HPSE2: variants seen among roughly 807,000 people sequenced by gnomAD.
The protein encoded by HPSE2 is heparanase 2 (inactive).
In HPSE2, 38 loss-of-function variants were observed where a neutral mutation model predicts 60.5. That is an observed-to-expected ratio of 0.63 (90% confidence interval 0.48 to 0.82). The LOEUF (loss-of-function observed/expected upper bound fraction) is 0.82, where lower values mean the gene tolerates loss of function less well. HPSE2 is among the 40% of genes least tolerant of loss of function. HPSE2 has a pLI of 0.00. For missense variants in HPSE2, 713 were observed against 740.4 expected (o/e 0.96, Z 0.43); for synonymous variants, 295 against 293.2 (o/e 1.01, Z -0.06).
intron 5 of HPSE2, among the ~76,000 whole-genome samples, chr10:98,706,816 G>A (rs1173208428): frequency 2.6e-5 from 4 of 152,198 alleles, no homozygotes. Flanking sequence ...GAGCTACCCT[G>A]TGTTGCCTTT....
intron 3 of HPSE2, among the ~76,000 whole-genome samples, chr10:98,820,665 TAAATA>T (rs1951403047): frequency 6.6e-6 from 1 of 152,074 alleles, no homozygotes; most frequent in African/African-American, 2.4e-5. Context: ...GCATGAAAAA[TAAATA>T]AATGTGTTGG....
chr10:99,138,597 A>G (rs1021006907), intron 3 of HPSE2, among the ~76,000 whole-genome samples: 2 of 152,238 alleles, frequency 1.3e-5, no homozygotes, highest in Admixed American at 1.3e-4. Flanking sequence ...TTGCAGGGAC[A>G]TGGATGAAGC....
At chr10:98,764,387 C>G (rs1347719405) in intron 3 of HPSE2, among the ~76,000 whole-genome samples, 2 of 151,598 alleles carry the variant, frequency 1.3e-5, no homozygotes, top group Non-Finnish European at 2.9e-5. Context: ...AAATAAAAGA[C>G]AAAAAGAAAG....
intron 9 of HPSE2, among the ~76,000 whole-genome samples, chr10:98,558,712 T>C (rs74156637): frequency 0.026 from 4,019 of 152,332 alleles, 189 homozygotes; most frequent in African/African-American, 0.09. Flanking sequence ...TGAACATTCA[T>C]TGAAAATTCA....
the HPSE2 span, among the ~76,000 whole-genome samples, chr10:99,267,226 T>C: frequency 6.6e-6 from 1 of 151,146 alleles, no homozygotes; most frequent in Admixed American, 6.6e-5. Context: ...CAGAGAAAGG[T>C]AACAAACAAA....
intron 3 of HPSE2, among the ~76,000 whole-genome samples, chr10:98,779,912 G>C (rs1257062883): frequency 1.3e-5 from 2 of 152,166 alleles, no homozygotes; most frequent in Non-Finnish European, 2.9e-5. Flanking sequence ...TCAAAGGGTA[G>C]GGAATTGCCT....
chr10:99,251,760 C>T, the HPSE2 span, among the ~76,000 whole-genome samples: 5 of 146,748 alleles, frequency 3.4e-5, no homozygotes, highest in African/African-American at 5.1e-5. Flanking sequence ...CATGGTGGTT[C>T]ACATCTGTAA....
intron 3 of HPSE2, among the ~76,000 whole-genome samples, chr10:99,106,689 C>T (rs1844262180): frequency 6.6e-6 from 1 of 151,976 alleles, no homozygotes; most frequent in Admixed American, 6.6e-5. Flanking sequence ...AGATACTGTG[C>T]TAAACCTAAA....
At chr10:98,892,880 C>CT (rs1564637265) in intron 3 of HPSE2, among the ~76,000 whole-genome samples, 1 of 151,984 alleles carries the variant, frequency 6.6e-6, no homozygotes, top group African/African-American at 2.4e-5. Flanking sequence ...AGCATTAAAC[C>CT]TTTGTAGAGC....
At chr10:98,842,712 A>C (rs1268895421) in intron 3 of HPSE2, among the ~76,000 whole-genome samples, 1 of 152,046 alleles carries the variant, frequency 6.6e-6, no homozygotes, top group African/African-American at 2.4e-5. Context: ...ATTGTCACCC[A>C]AAGTCCATGG....
the HPSE2 span, among the ~76,000 whole-genome samples, chr10:99,243,014 C>T: frequency 9.9e-5 from 15 of 152,172 alleles, no homozygotes; most frequent in African/African-American, 2.6e-4. Flanking sequence ...ATTTTATGCT[C>T]ATAGCATAAA....
At chr10:98,671,201 C>G (rs553258482) in intron 6 of HPSE2, among the ~76,000 whole-genome samples, 2 of 152,122 alleles carry the variant, frequency 1.3e-5, no homozygotes, top group Non-Finnish European at 2.9e-5. Flanking sequence ...GGGTTCTACA[C>G]GAGGAACATA....
intron 3 of HPSE2, among the ~76,000 whole-genome samples, chr10:98,908,346 T>C (rs1416616196): frequency 6.6e-6 from 1 of 152,166 alleles, no homozygotes; most frequent in African/African-American, 2.4e-5. Context: ...TTTACTAATA[T>C]AAAAATATTC....
chr10:98,911,745 A>G (rs2135023723), intron 3 of HPSE2, among the ~76,000 whole-genome samples: 1 of 152,312 alleles, frequency 6.6e-6, no homozygotes, highest in South Asian at 2.1e-4. Flanking sequence ...TTAACACAGT[A>G]GTACTGCAAA....
At chr10:98,751,385 C>T (rs1427002574) in intron 3 of HPSE2, among the ~76,000 whole-genome samples, 1 of 152,158 alleles carries the variant, frequency 6.6e-6, no homozygotes, top group African/African-American at 2.4e-5. Context: ...GCAAGTTTCA[C>T]ATAGAAAACA....
intron 9 of HPSE2, among the ~76,000 whole-genome samples, chr10:98,556,060 T>C (rs1419890232): frequency 6.6e-6 from 1 of 152,186 alleles, no homozygotes; most frequent in African/African-American, 2.4e-5. Flanking sequence ...AAACTCCGAC[T>C]TTTATTATTA....
At chr10:98,623,032 G>A (rs935767131) in intron 7 of HPSE2, among the ~76,000 whole-genome samples, 3 of 152,076 alleles carry the variant, frequency 2.0e-5, no homozygotes, top group African/African-American at 7.2e-5. Context: ...CCAGAGCAGA[G>A]TAATATATTT....
At chr10:99,255,563 TAC>T in the HPSE2 span, among the ~76,000 whole-genome samples, 5,063 of 147,304 alleles carry the variant, frequency 0.034, 200 homozygotes, top group African/African-American at 0.1. Context: ...CATGCACACA[TAC>T]ACACACACAC....
At chr10:99,278,462 C>T in the HPSE2 span, among the ~76,000 whole-genome samples, 1 of 152,168 alleles carries the variant, frequency 6.6e-6, no homozygotes, top group East Asian at 1.9e-4. Context: ...GCTGCTGGAA[C>T]TCCAGTCATC....
Sources: allele counts gnomAD v4.1 joint callset (sites outside exome capture counted in the v4.1 genomes callset), GRCh38; gene constraint gnomAD v4.1.1; transcripts MANE v1.5; gene names NCBI Gene and HGNC (gene_info 2026-07-23, HGNC 2026-07-21).